Variants in ARHGAP25 observed in about 807,000 individuals in gnomAD.
ARHGAP25 encodes the protein rho GTPase-activating protein 25.
In ARHGAP25, 34 loss-of-function variants were observed where a neutral mutation model predicts 71.0. That is an observed-to-expected ratio of 0.48 (90% CI 0.36 to 0.64). The LOEUF is 0.64. Ranked by LOEUF, ARHGAP25 falls within the 30% of genes least tolerant of loss-of-function variation. ARHGAP25 has a pLI of 0.00. For missense variants in ARHGAP25, 706 were observed against 805.1 expected (o/e 0.88, Z 1.49); for synonymous variants, 282 against 296.5 (o/e 0.95, Z 0.50).
At chr2:68,749,938 C>G (rs1456116035) in intron 1 of ARHGAP25, among the ~76,000 whole-genome samples, 1 of 152,206 alleles carries the variant, frequency 6.6e-6, no homozygotes, top group Non-Finnish European at 1.5e-5. Flanking sequence ...AAATTTTCTT[C>G]TCTAAAAATA....
chr2:68,730,979 A>G (rs1384957932), upstream of ARHGAP25, among the ~76,000 whole-genome samples: 4 of 152,084 alleles, frequency 2.6e-5, no homozygotes, highest in Non-Finnish European at 4.4e-5. Context: ...CTATTTTTGT[A>G]TCTTGCACGG....
intron 4 of ARHGAP25, among the ~76,000 whole-genome samples, chr2:68,792,983 C>T (rs546368045): frequency 4.1e-4 from 62 of 152,096 alleles, no homozygotes; most frequent in African/African-American, 1.4e-3. Flanking sequence ...GCGTAAGGTG[C>T]GATCTCATTG....
chr2:68,805,753 A>G (rs1311954419), intron 4 of ARHGAP25, among the ~76,000 whole-genome samples: 1 of 152,190 alleles, frequency 6.6e-6, no homozygotes, highest in Non-Finnish European at 1.5e-5. Context: ...TGGAATCCAC[A>G]GGAACTCGAG....
intron 4 of ARHGAP25, among the ~76,000 whole-genome samples, chr2:68,797,979 C>CT (rs1418379309): frequency 1.3e-5 from 2 of 152,208 alleles, no homozygotes; most frequent in African/African-American, 2.4e-5. Context: ...CTTCCTCTCA[C>CT]TTTTTTGTTG....
chr2:68,814,241 A>G (rs1681042620), intron 6 of ARHGAP25, among the ~76,000 whole-genome samples: 1 of 152,236 alleles, frequency 6.6e-6, no homozygotes, highest in Non-Finnish European at 1.5e-5. Context: ...TAGACAAATT[A>G]TGCATCTTTT....
intron 4 of ARHGAP25, among the ~76,000 whole-genome samples, chr2:68,802,375 C>G (rs910627469): frequency 1.5e-4 from 21 of 139,000 alleles, no homozygotes; most frequent in African/African-American, 5.0e-4. Flanking sequence ...GCCACTGCAC[C>G]CTAGCCTGGA....
At chr2:68,804,359 T>C (rs1285294018) in intron 4 of ARHGAP25, among the ~76,000 whole-genome samples, 2 of 152,200 alleles carry the variant, frequency 1.3e-5, no homozygotes, top group African/African-American at 4.8e-5. Flanking sequence ...CATCTGCCTC[T>C]CTCATTGAAG....
chr2:68,716,874 G>A lies in ARHGAP25; in HGVS notation c.-18+6176G>A, dbSNP rs1026144654. Among the ~76,000 whole-genome samples, 6 of 152,140 alleles carry A rather than the reference G, an allele frequency of 3.9e-5. No individual in the cohort carries two copies. The East Asian group carries it at 5.8e-4, about 15-fold the overall frequency. The stretch of plus-strand genomic sequence containing the variant: ...CTTTGATCCTGGTTGAACGATTCAT[G>A]TAGATTCTATCTCTCTTTAAATGTC... On this transcript the variant is annotated intron_variant and NMD_transcript_variant, in intron 2 of 7. Transcript: ENST00000463483.
chr2:68,808,013 A>G lies in ARHGAP25; in HGVS notation c.674+533A>G, dbSNP rs17035966. On this transcript the variant is annotated intron_variant, in intron 5 of 10. Coordinates refer to ENST00000409202, the MANE Select transcript of ARHGAP25 (RefSeq NM_001007231.3). ...AGCCCTTTTGCAGGAGCACATCCTG[A>G]TATCTTGGCCGCCTGGCATTCCTAA... 7.3e-3 allele frequency among the ~76,000 whole-genome samples: 1,117 copies of G among 152,248 alleles called. 14 individuals are homozygous for G. Among genetic ancestry groups the G allele is most frequent in the African/African-American group, 0.026 (1,060 of 41,518 alleles).
intron 1 of ARHGAP25, among the ~76,000 whole-genome samples, chr2:68,738,823 GAAAA>G (rs35421866): frequency 1.0e-5 from 1 of 98,390 alleles, no homozygotes; most frequent in African/African-American, 4.3e-5. Context: ...TCTGTCTCAA[GAAAA>G]AAAAAAAAAA....
chr2:68,747,749 C>T (rs537110294), intron 1 of ARHGAP25, among the ~76,000 whole-genome samples: 5 of 152,314 alleles, frequency 3.3e-5, no homozygotes, highest in African/African-American at 1.2e-4. Flanking sequence ...TACTATTCAC[C>T]GAGTTGCTCA....
intron 1 of ARHGAP25, among the ~76,000 whole-genome samples, chr2:68,747,008 CAAAAAAAAA>C (rs70954322): frequency 1.2e-5 from 1 of 84,010 alleles, no homozygotes; most frequent in Non-Finnish European, 2.4e-5. Flanking sequence ...AACTCCATCT[CAAAAAAAAA>C]AAAAAAAAAA....
chr2:68,775,057 C>A, intron 1 of ARHGAP25, 164 bp from the exon 2 acceptor site: 1 of 1,526,764 alleles, frequency 6.5e-7, no homozygotes, highest in Non-Finnish European at 8.8e-7. Flanking sequence ...GCTTCTCTGG[C>A]TCGGGGGGGA....
At chr2:68,719,725 A>G (rs527380090) in intron 2 of ARHGAP25, among the ~76,000 whole-genome samples, 89 of 152,240 alleles carry the variant, frequency 5.8e-4, no homozygotes, top group Non-Finnish European at 1.0e-3. Flanking sequence ...CACTTTACAT[A>G]TACATGAAAC....
In ARHGAP25 at chr2:68,826,131, G is replaced by A. The variant is rs1475289104; in HGVS notation, c.1878G>A (p.Lys626=). Residue 626 remains lysine, a synonymous_variant, in exon 11 of 11, where the codon AAG becomes AAA. Coordinates refer to ENST00000409202, the MANE Select transcript of ARHGAP25 (RefSeq NM_001007231.3). ...GGGAGGATGTTGAGAAGAGGAACAA[G>A]GCCTTGGAAGAAGAAGTCAAGGAAT... ...RSREDVEKRN[K]ALEEEVKEFV... 3.1e-6 allele frequency: 5 copies of A among 1,614,140 alleles called. No homozygotes were observed. The highest frequency in any genetic ancestry group is 4.2e-6 in the Non-Finnish European group (5 of 1,180,034).
At chr2:68,781,008 C>T (rs1314208700) in intron 2 of ARHGAP25, among the ~76,000 whole-genome samples, 1 of 152,184 alleles carries the variant, frequency 6.6e-6, no homozygotes, top group Non-Finnish European at 1.5e-5. Context: ...CTTAGACATT[C>T]AAAGTGTCAG....
chr2:68,785,576 A>G lies in ARHGAP25; in HGVS notation c.350-2264A>G, dbSNP rs147836032. On this transcript the variant is annotated intron_variant, in intron 3 of 10. Transcript: ENST00000409202. ...TTGGGGGTAAGGGCATCAGTTTTGG[A>G]CATATTAAATAATATCTCCATTGTA... Among the ~76,000 whole-genome samples the G allele has an allele frequency of 1.2e-3, 186 of 151,234 alleles. No homozygotes were observed. In the Middle Eastern group the frequency reaches 0.014, roughly 11 times the overall value.
At chr2:68,772,445 G>C (rs1267579370) in intron 1 of ARHGAP25, among the ~76,000 whole-genome samples, 1 of 152,226 alleles carries the variant, frequency 6.6e-6, no homozygotes, top group Non-Finnish European at 1.5e-5. Context: ...ACAGTTGGAT[G>C]GTCACAAAAG....
Position 68,711,584 on chromosome 2 carries a change from T to C in ARHGAP25, c.-18+886T>C, listed in dbSNP as rs577197670. ...ATGCAGAACGTGTAGGTTTGTTACATAGGTATACATGTGTCATGGTGATTT... is the reference window on the plus strand; with the variant it reads ...ATGCAGAACGTGTAGGTTTGTTACACAGGTATACATGTGTCATGGTGATTT... On this transcript the variant is annotated intron_variant and NMD_transcript_variant, in intron 2 of 7. Transcript: ENST00000463483. 8.5e-5 allele frequency among the ~76,000 whole-genome samples: 13 copies of C among 152,282 alleles called. No individual in the cohort carries two copies. In the East Asian group the frequency reaches 1.7e-3, roughly 20 times the overall value.
Sources: gnomAD v4.1 joint callset for allele counts (sites outside exome capture counted in the v4.1 genomes callset) on GRCh38, gnomAD v4.1.1 for gene constraint, MANE v1.5 for transcripts, NCBI Gene and HGNC (gene_info 2026-07-23, HGNC 2026-07-21) for gene names.